ZMYND8: variants seen among roughly 807,000 people sequenced by gnomAD.
ZMYND8 encodes the protein zinc finger MYND-type containing 8, also known as MYND-type zinc finger-containing chromatin reader ZMYND8.
In ZMYND8, 37 loss-of-function variants were observed where a neutral mutation model predicts 140.8. The observed-to-expected ratio is 0.26, with a 90% CI of 0.20 to 0.35. ZMYND8 has a LOEUF of 0.35. ZMYND8 is among the 10% of genes least tolerant of loss of function. The pLI is 1.00. For missense variants in ZMYND8, 1,068 were observed against 1,570.0 expected, an observed-to-expected ratio of 0.68 and a Z score of 5.40; for synonymous variants, 592 against 597.1, an observed-to-expected ratio of 0.99 and a Z score of 0.12.
At chr20:47,324,369 A>G (rs1029793142) in intron 2 of ZMYND8, among the ~76,000 whole-genome samples, 2 of 151,358 alleles carry the variant, frequency 1.3e-5, no homozygotes, top group African/African-American at 2.4e-5. Flanking sequence ...AATACAAAAA[A>G]TTAGCCAGGC....
At chr20:47,340,928 G>A (rs929182407) in intron 2 of ZMYND8, among the ~76,000 whole-genome samples, 3 of 152,174 alleles carry the variant, frequency 2.0e-5, no homozygotes, top group African/African-American at 7.2e-5. Context: ...TGCTGGAAAT[G>A]TTTAATTATC....
chr20:47,238,718 G>A, intron 15 of ZMYND8, 40 bp downstream of exon 15: 1 of 1,578,682 alleles, frequency 6.3e-7, no homozygotes, highest in Non-Finnish European at 8.6e-7. Flanking sequence ...TGGCAAAATG[G>A]GAGCGGGCGC....
At chr20:47,253,258 C>T (rs558056630) in intron 12 of ZMYND8, among the ~76,000 whole-genome samples, 7 of 152,224 alleles carry the variant, frequency 4.6e-5, no homozygotes, top group African/African-American at 1.7e-4. Context: ...GCCAGGAGGT[C>T]GAGCGCAGTG....
intron 16 of ZMYND8, among the ~76,000 whole-genome samples, chr20:47,233,205 CTTT>C (rs1174729822): frequency 4.4e-5 from 4 of 91,358 alleles, no homozygotes; most frequent in Admixed American, 1.2e-4. Context: ...CCGCACCAGG[CTTT>C]TTTTTTTTTT....
At position 47,262,320 on chromosome 20, in the gene ZMYND8, G is replaced by A. The variant is rs753966211; in HGVS notation, c.1589C>T (p.Ser530Phe). Reference sequence around the variant, plus strand: ...AAGATTCAGGATGCTGCCGGTGGTGGAGGTTTTGTCCGTTTTCGTCGTGAT... The same window carrying A: ...AAGATTCAGGATGCTGCCGGTGGTGAAGGTTTTGTCCGTTTTCGTCGTGAT... ...APITTKTDKT[S>F]TTGSILNLNL... The change falls in exon 12 of 23, where the codon TCC becomes TTC. Residue 530 changes from serine (S) to phenylalanine (F), a missense_variant. Ser to Phe is a radical substitution (Grantham distance 155). Transcript: ENST00000471951. 3.1e-6 allele frequency: 5 copies of A among 1,613,978 alleles called. No homozygotes were observed. The highest frequency in any genetic ancestry group is 1.3e-5 in the African/African-American group (1 of 74,894).
intron 21 of ZMYND8, among the ~76,000 whole-genome samples, chr20:47,214,589 G>A (rs2035796605): frequency 6.6e-6 from 1 of 152,164 alleles, no homozygotes; most frequent in East Asian, 1.9e-4. Flanking sequence ...CGCCTCCTGG[G>A]TTCAAGTAAT....
At chr20:47,227,315 G>A in intron 17 of ZMYND8, 34 bp from the exon 18 acceptor site, 3 of 1,607,274 alleles carry the variant, frequency 1.9e-6, no homozygotes, top group Non-Finnish European at 2.6e-6. Context: ...TTCAAAAGCT[G>A]TCTCATGCAG....
chr20:47,233,063 C>T (rs1329973336), intron 16 of ZMYND8, among the ~76,000 whole-genome samples: 3 of 151,934 alleles, frequency 2.0e-5, no homozygotes, highest in African/African-American at 4.8e-5. Flanking sequence ...CCTGCTACCA[C>T]ACCGGGCCAA....
chr20:47,277,112 T>C (rs6066264), intron 10 of ZMYND8, among the ~76,000 whole-genome samples: 44,189 of 152,070 alleles, frequency 0.29, 6,534 homozygotes, highest in Non-Finnish European at 0.33. Flanking sequence ...CCACTGCATC[T>C]GACAACACCT....
chr20:47,246,254 G>C lies in ZMYND8; in HGVS notation c.2038C>G (p.Pro680Ala). The part of the protein sequence containing the change: ...STSPASEKAD[P>A]GAVKDKASPE... ...CTGGCCTTGTCCTTGACTGCTCCAG[G>C]GTCTGCCTTCTCGCTGGCTGGTGAC... is the stretch of plus-strand genomic sequence containing the variant. The change falls in exon 14 of 23, where the codon CCT becomes GCT. Residue 680 changes from proline (P) to alanine (A), a missense_variant. Pro to Ala is a conservative substitution (Grantham distance 27). Around this residue, in one of 10 missense-constraint regions of ZMYND8, gnomAD observed 383 missense variants for 431.2 expected, o/e 0.89. Coordinates refer to ENST00000471951, the MANE Select transcript of ZMYND8 (RefSeq NM_001281775.3). 1 of 1,614,074 alleles carries C rather than the reference G, an allele frequency of 6.2e-7. No individual in the cohort carries two copies. Among genetic ancestry groups the C allele is most frequent in the Non-Finnish European group, 8.5e-7 (1 of 1,180,024 alleles).
Position 47,236,373 on chromosome 20 carries a change from T to C in ZMYND8, c.2809A>G (p.Thr937Ala). The C allele has an allele frequency of 6.2e-7, 1 of 1,614,218 alleles. No individual in the cohort carries two copies. Among genetic ancestry groups the C allele is most frequent in the Non-Finnish European group, 8.5e-7 (1 of 1,180,028 alleles). The change falls in exon 16 of 23, where the codon ACT becomes GCT. Residue 937 changes from threonine to alanine, a missense_variant. Physicochemically the swap from Thr to Ala is moderately conservative, Grantham distance 58. This residue lies in a region of ZMYND8 where 383 missense variants were observed against 431.2 expected (regional missense o/e 0.89). Coordinates refer to ENST00000471951, the MANE Select transcript of ZMYND8 (RefSeq NM_001281775.3). ...SSVNADLPIA[T>A]ASADVAADIA... The stretch of plus-strand genomic sequence containing the variant: ...TCAGCGGCGACATCAGCTGAGGCAG[T>C]GGCGATGGGCAGGTCAGCGTTGACT...
chr20:47,276,376 T>C lies in ZMYND8; in HGVS notation c.1418A>G (p.Lys473Arg). 1 of 1,605,452 alleles carries C rather than the reference T, an allele frequency of 6.2e-7. No homozygotes were observed. Among genetic ancestry groups the C allele is most frequent in the South Asian group, 1.1e-5 (1 of 90,872 alleles). ...GSDVEQDAEKKATSSHFSASE... is the reference protein window; with the variant it reads ...GSDVEQDAEKRATSSHFSASE... ...CGCACTGAAGTGGCTCGACGTGGCCTTCTTCTCAGCATCCTGCTCCACGTC... is the reference window on the plus strand; with the variant it reads ...CGCACTGAAGTGGCTCGACGTGGCCCTCTTCTCAGCATCCTGCTCCACGTC... The change falls in exon 11 of 23, where the codon AAG becomes AGG. Residue 473 changes from lysine (K) to arginine (R), a missense_variant. Lys to Arg is a conservative substitution (Grantham distance 26). Transcript: ENST00000471951.
intron 2 of ZMYND8, among the ~76,000 whole-genome samples, chr20:47,341,998 G>A (rs546756532): frequency 1.3e-5 from 2 of 148,506 alleles, no homozygotes; most frequent in East Asian, 2.0e-4. Context: ...GCGTGACTCC[G>A]TCTCAAAAAA....
chr20:47,351,914 A>G, intron 1 of ZMYND8: 9 of 985,458 alleles, frequency 9.1e-6, no homozygotes, highest in Non-Finnish European at 1.1e-5. Flanking sequence ...AAGGACACCA[A>G]CAACCCAACG....
chr20:47,242,256 G>A (rs1317666651), intron 14 of ZMYND8, among the ~76,000 whole-genome samples: 1 of 152,196 alleles, frequency 6.6e-6, no homozygotes, highest in Non-Finnish European at 1.5e-5. Flanking sequence ...CGACTTCAGA[G>A]GGCGTTCTCG....
intron 2 of ZMYND8, among the ~76,000 whole-genome samples, chr20:47,323,517 C>T (rs2080146617): frequency 6.6e-6 from 1 of 152,140 alleles, no homozygotes; most frequent in South Asian, 2.1e-4. Flanking sequence ...TGAGCTGTTG[C>T]ACCTGGCCCC....
At chr20:47,342,846 C>CAA (rs1041501318) in intron 2 of ZMYND8, among the ~76,000 whole-genome samples, 92 of 74,996 alleles carry the variant, frequency 1.2e-3, no homozygotes, top group African/African-American at 3.5e-3. Flanking sequence ...GACTACATCT[C>CAA]AAAAAAAAAA....
chr20:47,291,998 G>T, intron 5 of ZMYND8, 110 bp from the exon 6 acceptor site: 1 of 893,340 alleles, frequency 1.1e-6, no homozygotes, highest in Non-Finnish European at 1.6e-6. Context: ...AGACAATATA[G>T]TTCTAAAGTT....
rs578097390 is a variant in ZMYND8 at position 47,228,057 on chromosome 20, C to T, written c.2938-776G>A. 2.1e-4 allele frequency among the ~76,000 whole-genome samples: 32 copies of T among 149,468 alleles called. No homozygotes were observed. In the South Asian group the frequency reaches 2.9e-3, roughly 14 times the overall value. Reference sequence around the variant, plus strand: ...GCAGTGAGCCAAGATCATGCCACTGCGCTGCAACCTGGGTGACAGAGCGAG... The same window carrying T: ...GCAGTGAGCCAAGATCATGCCACTGTGCTGCAACCTGGGTGACAGAGCGAG... On this transcript the variant is annotated intron_variant, in intron 17 of 22. Transcript: ENST00000471951.
Sources: gnomAD v4.1 joint callset for allele counts (sites outside exome capture counted in the v4.1 genomes callset) on GRCh38, gnomAD v4.1.1 for gene constraint, gnomAD v4.1.1 regional missense constraint, MANE v1.5 for transcripts, NCBI Gene and HGNC (gene_info 2026-07-23, HGNC 2026-07-21) for gene names.